Variants in PLXNA2 observed in about 807,000 individuals in gnomAD.
PLXNA2 encodes plexin A2.
In PLXNA2, 91 loss-of-function variants were observed where a neutral mutation model predicts 193.5. The ratio of observed to expected loss-of-function variants is 0.47; its 90% confidence interval spans 0.40 to 0.56. PLXNA2 has a LOEUF of 0.56. Among genes scored for constraint, PLXNA2 ranks in the 20% least tolerant of loss-of-function variants. The pLI is 0.00. For missense variants in PLXNA2, 1,995 were observed against 2,503.2 expected (o/e 0.80, Z 4.33); for synonymous variants, 997 against 1,027.3 (o/e 0.97, Z 0.56).
intron 4 of PLXNA2, among the ~76,000 whole-genome samples, chr1:208,125,074 T>C (rs1430219368): frequency 6.6e-6 from 1 of 152,214 alleles, no homozygotes; most frequent in African/African-American, 2.4e-5. Context: ...TAGACCCAAA[T>C]TCACTTCAAA....
intron 18 of PLXNA2, 74 bp downstream of exon 18, chr1:208,045,804 G>A: frequency 3.2e-6 from 5 of 1,561,950 alleles, no homozygotes; most frequent in Non-Finnish European, 4.4e-6. Context: ...AAGAAAGAAA[G>A]TCAGGCCAGG....
At chr1:208,168,513 G>T (rs919113536) in intron 3 of PLXNA2, among the ~76,000 whole-genome samples, 6 of 152,122 alleles carry the variant, frequency 3.9e-5, no homozygotes, top group African/African-American at 7.2e-5. Context: ...GTATAATAAT[G>T]CCATGAGGGG....
At chr1:208,132,505 TA>T (rs369186097) in intron 4 of PLXNA2, among the ~76,000 whole-genome samples, 7 of 152,280 alleles carry the variant, frequency 4.6e-5, no homozygotes, top group African/African-American at 1.7e-4. Context: ...TGTTATCTGT[TA>T]AAAAAAGGCA....
intron 13 of PLXNA2, among the ~76,000 whole-genome samples, chr1:208,057,641 T>G (rs771106511): frequency 6.6e-6 from 1 of 152,208 alleles, no homozygotes; most frequent in African/African-American, 2.4e-5. Context: ...TTGTCTTCCC[T>G]GTCTCCTCCC....
chr1:208,212,731 T>C (rs1404501846), intron 2 of PLXNA2, among the ~76,000 whole-genome samples: 1 of 152,218 alleles, frequency 6.6e-6, no homozygotes, highest in Admixed American at 6.5e-5. Flanking sequence ...CCACGGGAAT[T>C]CTAGCTCCCT....
intron 29 of PLXNA2, chr1:208,030,582 A>G: frequency 2.9e-5 from 29 of 985,394 alleles, no homozygotes; most frequent in Non-Finnish European, 3.5e-5. Flanking sequence ...CTCAGCGACC[A>G]CAAGACCCGG....
intron 4 of PLXNA2, among the ~76,000 whole-genome samples, chr1:208,122,655 G>C (rs1301759752): frequency 6.6e-6 from 1 of 152,092 alleles, no homozygotes; most frequent in Admixed American, 6.5e-5. Flanking sequence ...GGTGAGATCA[G>C]TAGGAAAATA....
chr1:208,122,513 A>G (rs1296166645), intron 4 of PLXNA2, among the ~76,000 whole-genome samples: 1 of 152,184 alleles, frequency 6.6e-6, no homozygotes, highest in East Asian at 1.9e-4. Flanking sequence ...GACAGCTATA[A>G]TAATAATTTT....
intron 3 of PLXNA2, among the ~76,000 whole-genome samples, chr1:208,156,785 T>C (rs1668952561): frequency 6.6e-6 from 1 of 152,260 alleles, no homozygotes; most frequent in South Asian, 2.1e-4. Flanking sequence ...TTTAGCAGAG[T>C]GCCAAGCATG....
At chr1:208,239,448 C>T (rs1378636709) in intron 1 of PLXNA2, among the ~76,000 whole-genome samples, 2 of 152,214 alleles carry the variant, frequency 1.3e-5, no homozygotes, top group Admixed American at 6.5e-5. Context: ...CACATCTTGA[C>T]TTCTGTCTTT....
rs373474758 is a variant in PLXNA2 at position 208,084,885 on chromosome 1, G to A, written c.2098-305C>T. Among the ~76,000 whole-genome samples, 16 of 152,276 alleles carry A rather than the reference G, an allele frequency of 1.1e-4. No homozygotes were observed. The East Asian group carries it at 2.5e-3, about 24-fold the overall frequency. ...AGACACTGGATAAAAGAGCCTCCACGTGTCCCTGTCCCCAACCTGGCACCC... is the reference window on the plus strand; with the variant it reads ...AGACACTGGATAAAAGAGCCTCCACATGTCCCTGTCCCCAACCTGGCACCC... On this transcript the variant is annotated intron_variant, in intron 9 of 31. Coordinates refer to ENST00000367033, the MANE Select transcript of PLXNA2 (RefSeq NM_025179.4).
At chr1:208,128,891 C>T (rs962818054) in intron 4 of PLXNA2, among the ~76,000 whole-genome samples, 11 of 151,998 alleles carry the variant, frequency 7.2e-5, no homozygotes, top group Non-Finnish European at 1.2e-4. Context: ...TTAGTAGAGA[C>T]GGGGTTTCAC....
In PLXNA2 at chr1:208,086,007, C is replaced by G. The variant is rs191737010; in HGVS notation, c.2098-1427G>C. On this transcript the variant is annotated intron_variant, in intron 9 of 31. Transcript: ENST00000367033. The stretch of plus-strand genomic sequence containing the variant: ...TCTGAGAATTAATAATTGATTACCT[C>G]TTAATCAGCCTTCAAACTCAGCCCA... Among the ~76,000 whole-genome samples, 7 of 152,294 alleles carry G rather than the reference C, an allele frequency of 4.6e-5. No individual in the cohort carries two copies. The East Asian group carries it at 1.4e-3, about 29-fold the overall frequency.
intron 3 of PLXNA2, among the ~76,000 whole-genome samples, chr1:208,155,848 C>T (rs1049945470): frequency 1.3e-5 from 2 of 152,128 alleles, no homozygotes; most frequent in African/African-American, 2.4e-5. Context: ...ATCTTCACCC[C>T]CTCTTGCTAT....
intron 4 of PLXNA2, among the ~76,000 whole-genome samples, chr1:208,122,465 C>T (rs918743770): frequency 1.3e-5 from 2 of 152,134 alleles, no homozygotes. Context: ...ATGATTATCT[C>T]CCTAATAGGA....
intron 5 of PLXNA2, among the ~76,000 whole-genome samples, chr1:208,102,639 T>G (rs1667132872): frequency 6.6e-6 from 1 of 152,218 alleles, no homozygotes; most frequent in Non-Finnish European, 1.5e-5. Flanking sequence ...CATTCAGTCT[T>G]CACAATTCAC....
intron 26 of PLXNA2, 55 bp from the exon 27 acceptor site, chr1:208,034,647 G>A: frequency 8.9e-7 from 1 of 1,117,934 alleles, no homozygotes; most frequent in Non-Finnish European, 1.4e-6. Flanking sequence ...GTCTTGGGAA[G>A]TTGGATAGTC....
chr1:208,214,095 G>A (rs1383833542), intron 2 of PLXNA2, among the ~76,000 whole-genome samples: 1 of 151,548 alleles, frequency 6.6e-6, no homozygotes, highest in Non-Finnish European at 1.5e-5. Flanking sequence ...CTCCACATTG[G>A]TTACGGCCAG....
At chr1:208,208,993 T>C (rs1043038558) in intron 3 of PLXNA2, among the ~76,000 whole-genome samples, 2 of 152,192 alleles carry the variant, frequency 1.3e-5, no homozygotes, top group Non-Finnish European at 2.9e-5. Context: ...ACACAGCAAC[T>C]CCTTCCCTTC....
Sources: gnomAD v4.1 joint callset for allele counts (sites outside exome capture counted in the v4.1 genomes callset) on GRCh38, gnomAD v4.1.1 for gene constraint, MANE v1.5 for transcripts, NCBI Gene and HGNC (gene_info 2026-07-23, HGNC 2026-07-21) for gene names.